The following NCALD variants were observed in gnomAD, a reference collection of about 807,000 sequenced individuals.
The protein encoded by NCALD is neurocalcin-delta.
Under a neutral mutation model 18.6 loss-of-function variants are expected in NCALD, and 10 were observed. That is an observed-to-expected ratio of 0.54 (90% CI 0.33 to 0.91). NCALD has a LOEUF of 0.91. Among genes scored for constraint, NCALD ranks in the 40% least tolerant of loss-of-function variants. The probability of loss-of-function intolerance (pLI) is 0.03; values close to 1 mark genes in which losing one functional copy is unlikely to be tolerated. For synonymous variants in NCALD, 88 were observed against 87.4 expected (o/e 1.01, Z -0.04); for missense variants, 184 against 247.6 (o/e 0.74, Z 1.72).
intron 4 of NCALD, among the ~76,000 whole-genome samples, chr8:101,875,445 T>C (rs1044282500): frequency 1.3e-5 from 2 of 152,204 alleles, no homozygotes; most frequent in Admixed American, 6.5e-5. Flanking sequence ...CACTTCATTG[T>C]CCTTTTTTCT....
chr8:101,739,194 C>T (rs1487575106), intron 1 of NCALD, among the ~76,000 whole-genome samples: 1 of 152,046 alleles, frequency 6.6e-6, no homozygotes, highest in African/African-American at 2.4e-5. Context: ...ATTCTCCCCA[C>T]CATGTCCTCA....
chr8:101,926,979 G>GA (rs1327320423), intron 2 of NCALD, among the ~76,000 whole-genome samples: 1 of 152,206 alleles, frequency 6.6e-6, no homozygotes, highest in Non-Finnish European at 1.5e-5. Flanking sequence ...ACAGATGCCT[G>GA]AAACAAGTGG....
chr8:102,036,636 G>A lies in NCALD; in HGVS notation c.-209-16347C>T, dbSNP rs190021260. The stretch of plus-strand genomic sequence containing the variant: ...CTAAAAATACAAAAATTAGCTGGGC[G>A]TGGTGGTGCATACCTGTAATCCCAG... On this transcript the variant is annotated intron_variant, in intron 1 of 6. Transcript: ENST00000311028. Among the ~76,000 whole-genome samples, 358 of 152,058 alleles carry A rather than the reference G, an allele frequency of 2.4e-3. 2 individuals carry two copies. Among genetic ancestry groups the A allele is most frequent in the African/African-American group, 8.2e-3 (339 of 41,478 alleles).
intron 1 of NCALD, among the ~76,000 whole-genome samples, chr8:101,753,061 G>C (rs1165258137): frequency 6.6e-6 from 1 of 152,146 alleles, no homozygotes; most frequent in East Asian, 1.9e-4. Flanking sequence ...AGGAAAGATA[G>C]CGGGAGGCAC....
At chr8:102,057,454 G>A (rs1823694319) in intron 1 of NCALD, among the ~76,000 whole-genome samples, 1 of 152,062 alleles carries the variant, frequency 6.6e-6, no homozygotes, top group Non-Finnish European at 1.5e-5. Context: ...ACACAACTAG[G>A]TATTTAATAG....
At position 101,855,815 on chromosome 8, in the gene NCALD, A is replaced by C. The variant is rs542196482; in HGVS notation, c.-20+31326T>G. Among the ~76,000 whole-genome samples, 66 of 152,314 alleles carry C rather than the reference A, an allele frequency of 4.3e-4. 1 individual carries two copies. In the South Asian group the frequency reaches 0.013, roughly 30 times the overall value. On this transcript the variant is annotated intron_variant, in intron 4 of 6. Coordinates refer to the NCALD transcript ENST00000311028. ...AGAAGCCAGAAAGACAGAAATAAAA[A>C]ACAGTGGTGTCTTAGAAGCTCAATC...
At chr8:101,875,031 C>G (rs1816172259) in intron 4 of NCALD, among the ~76,000 whole-genome samples, 1 of 152,182 alleles carries the variant, frequency 6.6e-6, no homozygotes. Context: ...ATTAAATTGA[C>G]AACATAACTG....
At chr8:101,846,426 A>G (rs1814870282) in intron 4 of NCALD, among the ~76,000 whole-genome samples, 1 of 152,194 alleles carries the variant, frequency 6.6e-6, no homozygotes, top group Non-Finnish European at 1.5e-5. Flanking sequence ...TAGTTTTGAG[A>G]GGAAGGAGCC....
chr8:101,819,954 G>T (rs911212124), intron 4 of NCALD, among the ~76,000 whole-genome samples: 3 of 152,166 alleles, frequency 2.0e-5, no homozygotes, highest in Non-Finnish European at 2.9e-5. Context: ...AGTGCCTAAA[G>T]CCACTCTTCC....
At chr8:102,043,550 G>C (rs1267757216) in intron 1 of NCALD, among the ~76,000 whole-genome samples, 1 of 151,818 alleles carries the variant, frequency 6.6e-6, no homozygotes, top group Middle Eastern at 3.4e-3. Flanking sequence ...AAAGAATTGA[G>C]ACTATTAAGG....
chr8:101,799,773 G>A (rs1183887799), intron 4 of NCALD, among the ~76,000 whole-genome samples: 1 of 152,156 alleles, frequency 6.6e-6, no homozygotes, highest in African/African-American at 2.4e-5. Context: ...TAAGGAGCAG[G>A]TAGGGAAGCC....
chr8:102,124,207 G>A (rs975668410), intron 1 of NCALD: 1 of 151,662 alleles, frequency 6.6e-6, no homozygotes, highest in African/African-American at 2.4e-5. Flanking sequence ...TCTGGCTCCC[G>A]AGAAGCGGAG....
At chr8:101,769,960 G>A (rs1811514912) in intron 1 of NCALD, among the ~76,000 whole-genome samples, 1 of 152,184 alleles carries the variant, frequency 6.6e-6, no homozygotes, top group South Asian at 2.1e-4. Flanking sequence ...ACAGCTCAGA[G>A]ACGGAATTCT....
intron 3 of NCALD, among the ~76,000 whole-genome samples, chr8:101,894,835 G>C (rs972388792): frequency 1.3e-5 from 2 of 149,498 alleles, no homozygotes; most frequent in Non-Finnish European, 2.9e-5. Context: ...TCTCTGAATA[G>C]ACCAATAACA....
In NCALD at chr8:101,688,822, A is replaced by G; in HGVS notation, c.*487T>C. The G allele has an allele frequency of 3.2e-6, 2 of 632,130 alleles. No homozygotes were observed. Among genetic ancestry groups the G allele is most frequent in the Non-Finnish European group, 5.8e-6 (2 of 344,460 alleles). 39.2% of individuals were successfully genotyped at this position (632,130 alleles called of 1,614,324 possible). On this transcript the variant is annotated 3_prime_UTR_variant, in exon 4 of 4. Transcript: ENST00000220931. ...TGGGGAAATGTCCCAGCTCGCTGGAATAGCCTCACCCCAGAGGGTAACTTG... is the reference window on the plus strand; with the variant it reads ...TGGGGAAATGTCCCAGCTCGCTGGAGTAGCCTCACCCCAGAGGGTAACTTG...
intron 4 of NCALD, chr8:101,871,983 C>T: frequency 1.2e-6 from 1 of 813,020 alleles, no homozygotes. Context: ...CATCTCTGGT[C>T]AGGTTCATGC....
At chr8:102,092,168 G>A (rs751193874) in intron 1 of NCALD, among the ~76,000 whole-genome samples, 4 of 152,168 alleles carry the variant, frequency 2.6e-5, no homozygotes, top group South Asian at 2.1e-4. Context: ...TGACCTGGTC[G>A]TCCTCACTGC....
intron 4 of NCALD, among the ~76,000 whole-genome samples, chr8:101,846,368 T>A (rs1814868156): frequency 6.6e-6 from 1 of 152,202 alleles, no homozygotes; most frequent in South Asian, 2.1e-4. Context: ...CCTAGAGTAA[T>A]ACTTTTTGTT....
chr8:101,688,112 T>A lies in NCALD; in HGVS notation c.*1197A>T, dbSNP rs1475225321. The A allele has an allele frequency of 6.6e-6, 1 of 152,612 alleles. No homozygotes were observed. Among genetic ancestry groups the A allele is most frequent in the Non-Finnish European group, 1.5e-5 (1 of 68,300 alleles). 9.5% of individuals were successfully genotyped at this position (152,612 alleles called of 1,614,324 possible). On this transcript the variant is annotated 3_prime_UTR_variant, in exon 4 of 4. Coordinates refer to ENST00000220931, the MANE Select transcript of NCALD (RefSeq NM_032041.3). ...TTCCAAGAATGTATGTGATGTTTTT[T>A]CGAGTCTGCAGAGTATTGATCTGCT...
Sources: gnomAD v4.1 joint callset for allele counts (sites outside exome capture counted in the v4.1 genomes callset) on GRCh38, gnomAD v4.1.1 for gene constraint, MANE v1.5 for transcripts, NCBI Gene and HGNC (gene_info 2026-07-23, HGNC 2026-07-21) for gene names.